SYNJ2: variants seen among roughly 807,000 people sequenced by gnomAD.
The protein encoded by SYNJ2 is polyphosphatidylinositol phosphatase SYNJ2.
Under a neutral mutation model 141.3 loss-of-function variants are expected in SYNJ2, and 116 were observed. The ratio of observed to expected loss-of-function variants is 0.82; its 90% CI spans 0.71 to 0.96. SYNJ2 has a LOEUF of 0.96. Ranked by LOEUF, SYNJ2 falls within the 40% of genes least tolerant of loss-of-function variation. SYNJ2 has a pLI of 0.00. For missense variants in SYNJ2, 1,873 were observed against 1,934.8 expected (o/e 0.97, Z 0.60); for synonymous variants, 745 against 777.7 (o/e 0.96, Z 0.70).
At chr6:158,092,111 T>TTA (rs1783497161) in intron 25 of SYNJ2, among the ~76,000 whole-genome samples, 1 of 148,408 alleles carries the variant, frequency 6.7e-6, no homozygotes, top group Non-Finnish European at 1.5e-5. Context: ...ATAAAGCTGT[T>TTA]AAAAAAAAAA....
chr6:158,062,164 G>A lies in SYNJ2; in HGVS notation c.1127G>A (p.Arg376His), dbSNP rs772199451. The A allele has an allele frequency of 5.0e-6, 8 of 1,612,722 alleles. No individual in the cohort carries two copies. The highest frequency in any genetic ancestry group is 2.2e-5 in the East Asian group (1 of 44,838). Residue 376 changes from arginine (R) to histidine (H), a missense_variant and splice_region_variant, in exon 8 of 27, where the codon CGT (arginine) becomes CAT (histidine). By Grantham distance (29) the Arg-to-His change is conservative. Transcript: ENST00000355585. Reference sequence around the variant, plus strand: ...ACAAAGGGGGAGAACGTCAGTCCACGGTGAGGCTCGCTGCGCACTGTGCCG... The same window carrying A: ...ACAAAGGGGGAGAACGTCAGTCCACAGTGAGGCTCGCTGCGCACTGTGCCG... Reference protein sequence around the residue: ...VFTKGENVSPRFQKGTLRMNC... With the variant: ...VFTKGENVSPHFQKGTLRMNC...
At chr6:158,085,787 G>A (rs1367552441) in intron 22 of SYNJ2, among the ~76,000 whole-genome samples, 2 of 152,214 alleles carry the variant, frequency 1.3e-5, no homozygotes, top group Admixed American at 6.5e-5. Context: ...TGGTTTGGAC[G>A]CACAGCTAGG....
intron 4 of SYNJ2, among the ~76,000 whole-genome samples, chr6:158,038,565 C>T (rs575886032): frequency 4.6e-5 from 7 of 152,232 alleles, no homozygotes; most frequent in African/African-American, 1.4e-4. Flanking sequence ...TCGGAGACCC[C>T]GGACAGCCTG....
At chr6:158,025,979 G>GCATA (rs147538629) in intron 2 of SYNJ2, among the ~76,000 whole-genome samples, 5,936 of 133,906 alleles carry the variant, frequency 0.044, 225 homozygotes, top group African/African-American at 0.11. Context: ...AATAATACAT[G>GCATA]CATACATACA....
intron 1 of SYNJ2, among the ~76,000 whole-genome samples, chr6:157,997,027 A>ACCCCCCCCCCC (rs1312763731): frequency 8.6e-6 from 1 of 116,074 alleles, no homozygotes; most frequent in Non-Finnish European, 1.8e-5. Context: ...CACCTACCCC[A>ACCCCCCCCCCC]CCCCCCCCCA....
intron 2 of SYNJ2, among the ~76,000 whole-genome samples, chr6:158,023,413 G>A (rs1778881241): frequency 6.6e-6 from 1 of 152,140 alleles, no homozygotes; most frequent in Non-Finnish European, 1.5e-5. Flanking sequence ...AGGTAGGCAG[G>A]GCGGGGCCTT....
chr6:158,047,588 C>T (rs1193404495), intron 5 of SYNJ2, among the ~76,000 whole-genome samples: 1 of 151,602 alleles, frequency 6.6e-6, no homozygotes, highest in Non-Finnish European at 1.5e-5. Context: ...ACAAGCCTGG[C>T]CAACATGGTG....
chr6:158,059,276 G>T lies in SYNJ2; in HGVS notation c.877G>T (p.Glu293Ter). The T allele has an allele frequency of 6.5e-7, 1 of 1,550,022 alleles. No individual in the cohort carries two copies. Among genetic ancestry groups the T allele is most frequent in the South Asian group, 1.2e-5 (1 of 83,962 alleles). The change falls in exon 7 of 27, where the codon GAG becomes TAG. Residue 293 changes from glutamate (E) to a stop codon, truncating the protein, a stop_gained. Transcript: ENST00000355585. LOFTEE classifies it high-confidence loss of function. ...AFDRHMVLLKEQYGQQVVVNL... is the reference protein window; with the variant it reads ...AFDRHMVLLK ...TTGCAGGCACATGGTGCTTCTGAAG[G>T]AGCAGTACGGGCAGCAGGTGGTCGT...
chr6:158,027,112 T>C lies in SYNJ2; in HGVS notation c.215-1644T>C, dbSNP rs1187263757. On this transcript the variant is annotated intron_variant, in intron 2 of 26. Transcript: ENST00000355585. This position sits in a 1 kb window ranked among gnomAD's most constrained non-coding sequence, Gnocchi z 4.6. ...CGCTCATTAAAGGAACGCACTTTAA[T>C]GACAGCCACACGCCACCCTGCCACA... The C allele has an allele frequency of 8.1e-6, 8 of 985,242 alleles. No homozygotes were observed. The highest frequency in any genetic ancestry group is 9.6e-6 in the Non-Finnish European group (8 of 829,924). 61.0% of individuals were successfully genotyped at this position (985,242 alleles called of 1,614,324 possible).
intron 1 of SYNJ2, among the ~76,000 whole-genome samples, chr6:158,004,761 C>G (rs570001082): frequency 6.6e-6 from 1 of 152,180 alleles, no homozygotes; most frequent in African/African-American, 2.4e-5. Flanking sequence ...ATCGGGACCC[C>G]TTTCCAGTAA....
intron 1 of SYNJ2, among the ~76,000 whole-genome samples, chr6:158,007,041 C>A (rs1778099292): frequency 6.6e-6 from 1 of 152,138 alleles, no homozygotes; most frequent in African/African-American, 2.4e-5. Flanking sequence ...TCATGGCTAA[C>A]TGCAGCCTCC....
Position 158,027,314 on chromosome 6 carries a change from G to C in SYNJ2, c.215-1442G>C. 1 of 626,690 alleles carries C rather than the reference G, an allele frequency of 1.6e-6. No individual in the cohort carries two copies. The highest frequency in any genetic ancestry group is 7.1e-5 in the South Asian group (1 of 14,146). 38.8% of individuals were successfully genotyped at this position (626,690 alleles called of 1,614,324 possible). A position where few individuals can be genotyped will look rare whatever the true frequency, so the allele number is the denominator to read the frequency against. On this transcript the variant is annotated intron_variant, in intron 2 of 26. Coordinates refer to ENST00000355585, the MANE Select transcript of SYNJ2 (RefSeq NM_003898.4). The surrounding 1 kb of genome is among the most constrained non-coding windows in gnomAD (Gnocchi z 4.6). The stretch of plus-strand genomic sequence containing the variant: ...AAGATCTCGCTGGGCGGATCCTTCA[G>C]ACCTCAGCGGGGTGGGAAGAGTGTC...
intron 26 of SYNJ2, among the ~76,000 whole-genome samples, chr6:158,093,475 C>T (rs1783606123): frequency 6.6e-6 from 1 of 151,764 alleles, no homozygotes; most frequent in African/African-American, 2.4e-5. Flanking sequence ...AGATTTGCGT[C>T]TCACAGATAA....
chr6:158,024,303 T>A (rs1778924547), intron 2 of SYNJ2, among the ~76,000 whole-genome samples: 1 of 152,152 alleles, frequency 6.6e-6, no homozygotes, highest in Non-Finnish European at 1.5e-5. Context: ...CTCATGCCTG[T>A]AATCCCGGCT....
chr6:158,072,044 G>A (rs528551159), intron 15 of SYNJ2, among the ~76,000 whole-genome samples: 4 of 152,322 alleles, frequency 2.6e-5, no homozygotes, highest in African/African-American at 9.6e-5. Context: ...TGTCTGCATG[G>A]CCACTGGATT....
intron 6 of SYNJ2, among the ~76,000 whole-genome samples, chr6:158,055,846 T>C (rs184325923): frequency 2.5e-3 from 386 of 152,332 alleles, no homozygotes; most frequent in Non-Finnish European, 4.7e-3. Flanking sequence ...TGACATGTAA[T>C]GCGCTTTTCT....
intron 25 of SYNJ2, among the ~76,000 whole-genome samples, chr6:158,090,698 C>T (rs552286234): frequency 1.3e-5 from 2 of 151,914 alleles, no homozygotes; most frequent in South Asian, 4.2e-4. Context: ...GCGCGCAGCC[C>T]CATGATGAGC....
intron 26 of SYNJ2, 95 bp downstream of exon 26, chr6:158,093,199 G>A: frequency 7.4e-7 from 1 of 1,350,080 alleles, no homozygotes; most frequent in Non-Finnish European, 1.0e-6. Context: ...ACATTGGGAA[G>A]CCGAGGCAAG....
In SYNJ2 at chr6:157,982,692, G is replaced by A. The variant is rs896404842; in HGVS notation, c.127+604G>A. On this transcript the variant is annotated intron_variant, in intron 1 of 26. Coordinates refer to ENST00000355585, the MANE Select transcript of SYNJ2 (RefSeq NM_003898.4). This position sits in a 1 kb window ranked among gnomAD's most constrained non-coding sequence, Gnocchi z 4.0. ...CGAATTTCACCTATGGACTTCAGAA[G>A]CCTTGAAACTGGCATTGTGCTATGG... Among the ~76,000 whole-genome samples, 15 of 152,208 alleles carry A rather than the reference G, an allele frequency of 9.9e-5. No individual in the cohort carries two copies. The highest frequency in any genetic ancestry group is 3.6e-4 in the African/African-American group (15 of 41,472).
Sources: allele counts gnomAD v4.1 joint callset (sites outside exome capture counted in the v4.1 genomes callset), GRCh38; gene constraint gnomAD v4.1.1; non-coding constraint Gnocchi (gnomAD v3.1); transcripts MANE v1.5; gene names NCBI Gene and HGNC (gene_info 2026-07-23, HGNC 2026-07-21).